Variants in DYSF observed in about 807,000 individuals in gnomAD.
The protein encoded by DYSF is dysferlin.
Under a neutral mutation model 274.9 loss-of-function variants are expected in DYSF, and 212 were observed. That is an observed-to-expected ratio of 0.77 (90% confidence interval 0.69 to 0.86). The LOEUF (loss-of-function observed/expected upper bound fraction) is 0.86, where lower values mean the gene tolerates loss of function less well. Ranked by LOEUF, DYSF falls within the 40% of genes least tolerant of loss-of-function variation. The pLI, the probability that DYSF is intolerant of heterozygous loss-of-function variation, is 0.00. For missense variants in DYSF, 2,666 were observed against 2,783.2 expected (o/e 0.96, Z 0.95); for synonymous variants, 1,091 against 1,078.7 (o/e 1.01, Z -0.22).
chr2:71,516,008 G>A (rs1481567286), intron 8 of DYSF, among the ~76,000 whole-genome samples, 172 bp from the exon 9 acceptor site: 1 of 152,164 alleles, frequency 6.6e-6, no homozygotes, highest in Non-Finnish European at 1.5e-5. Context: ...CGTCTGTGAG[G>A]CCAGGGGCAG....
chr2:71,620,509 C>A (rs1213260043), intron 40 of DYSF, 38 bp from the exon 41 acceptor site: 2 of 1,551,296 alleles, frequency 1.3e-6, no homozygotes, highest in Non-Finnish European at 1.7e-6. Context: ...AAAGTGGGTT[C>A]TCTAATCCTG....
intron 55 of DYSF, 143 bp downstream of exon 55, chr2:71,682,820 G>A: frequency 8.1e-7 from 1 of 1,236,496 alleles, no homozygotes; most frequent in Non-Finnish European, 1.1e-6. Flanking sequence ...AGGATACAGA[G>A]CCCAGCTCTG....
chr2:71,680,506 T>G (rs1187586307), intron 53 of DYSF, among the ~76,000 whole-genome samples: 1 of 152,246 alleles, frequency 6.6e-6, no homozygotes, highest in Non-Finnish European at 1.5e-5. Flanking sequence ...AAGTCTAGGT[T>G]CTGGGATATT....
At chr2:71,505,064 C>T (rs1413019050) in intron 4 of DYSF, among the ~76,000 whole-genome samples, 1 of 152,238 alleles carries the variant, frequency 6.6e-6, no homozygotes, top group Admixed American at 6.5e-5. Flanking sequence ...GCCCCACTAG[C>T]TGAGCACAGG....
At chr2:71,526,406 G>C in intron 13 of DYSF, 60 bp downstream of exon 13, 1 of 1,537,016 alleles carries the variant, frequency 6.5e-7, no homozygotes, top group Non-Finnish European at 8.9e-7. Flanking sequence ...CAGGGCTGGT[G>C]GGGGTGGGCG....
chr2:71,564,181 A>T lies in DYSF; in HGVS notation c.2533A>T (p.Asn845Tyr). The change falls in exon 24 of 56, where the codon AAT becomes TAT. Residue 845 changes from asparagine to tyrosine, a missense_variant. Asn to Tyr is a moderately radical substitution (Grantham distance 143). This residue lies in a region of DYSF where 412 missense variants were observed against 504.0 expected (regional missense o/e 0.82). Transcript: ENST00000410020. ...GCGGGGTGCCAACTACTGTGGCAAG[A>T]ATTGTGGGAAGCTACAGACAATCTT... is the stretch of plus-strand genomic sequence containing the variant. ...SRRGANYCGK[N>Y]CGKLQTIFLK... 1 of 1,614,238 alleles carries T rather than the reference A, an allele frequency of 6.2e-7. No individual in the cohort carries two copies. Among genetic ancestry groups the T allele is most frequent in the Non-Finnish European group, 8.5e-7 (1 of 1,180,044 alleles).
intron 30 of DYSF, among the ~76,000 whole-genome samples, chr2:71,580,572 G>A (rs999672206): frequency 1.3e-5 from 2 of 152,184 alleles, no homozygotes; most frequent in African/African-American, 2.4e-5. Context: ...TGGGAGGTGC[G>A]AGGGGTTTAC....
chr2:71,646,648 A>G (rs1000516206), intron 42 of DYSF, among the ~76,000 whole-genome samples: 1 of 152,220 alleles, frequency 6.6e-6, no homozygotes, highest in Non-Finnish European at 1.5e-5. Flanking sequence ...CTAAATAGAA[A>G]AATAAAGGAA....
chr2:71,592,154 G>A (rs535199273), intron 32 of DYSF, among the ~76,000 whole-genome samples: 1 of 152,220 alleles, frequency 6.6e-6, no homozygotes, highest in African/African-American at 2.4e-5. Flanking sequence ...GCCAGGGGGG[G>A]CCCAGGCAGA....
rs1159294834 is a variant in DYSF, at chr2:71,582,106, CAAAAAA to C, written c.3403-7465_3403-7460del. On this transcript the variant is annotated intron_variant, in intron 30 of 55. Transcript: ENST00000410020. ...TGGGAGACAGAAGGAGACTCCGTCT[CAAAAAA>C]AAAAAAAAAAAAAAAAAAAAAGGCT... 1.7e-3 allele frequency among the ~76,000 whole-genome samples: 61 copies of C among 35,114 alleles called. 1 individual carries two copies. In the Admixed American group the frequency reaches 0.019, roughly 11 times the overall value. The allele number at this position is 35,114 out of a possible 152,430, so 23.0% of individuals were successfully genotyped here.
intron 29 of DYSF, among the ~76,000 whole-genome samples, chr2:71,573,420 G>T (rs2092590930): frequency 6.6e-6 from 1 of 152,128 alleles, no homozygotes; most frequent in Non-Finnish European, 1.5e-5. Context: ...GACCTGAGGT[G>T]GTGTCTGACA....
rs1382327422 is a variant in DYSF, at chr2:71,588,375, CA to C, written c.3403-1216del. ...CAGGTGTCTAGGGAGGCTTCTTGGA[CA>C]AGGGGCTCTGGGACTGAGTCTTGAG... is the stretch of plus-strand genomic sequence containing the variant. On this transcript the variant is annotated intron_variant, in intron 30 of 55. Coordinates refer to ENST00000410020, the MANE Select transcript of DYSF (RefSeq NM_001130987.2). 5.9e-5 allele frequency among the ~76,000 whole-genome samples: 9 copies of C among 152,192 alleles called. No individual in the cohort carries two copies. In the East Asian group the frequency reaches 1.7e-3, roughly 29 times the overall value.
rs559940171 is a variant in DYSF, at chr2:71,644,008, T to C, written c.4571T>C (p.Ile1524Thr). The change falls in exon 42 of 56, where the codon ATA becomes ACA. Residue 1524 changes from isoleucine (I) to threonine (T), a missense_variant. This residue lies in a region of DYSF where 1,460 missense variants were observed against 1,502.1 expected (regional missense o/e 0.97). Coordinates refer to ENST00000410020, the MANE Select transcript of DYSF (RefSeq NM_001130987.2). ...TGGTGGAGCAAATTCTTTGCCTCCA[T>C]AGGGGAGAGGGAAAAGTGCGGCTCC... ...IDWWSKFFAS[I>T]GEREKCGSYL... 1.5e-5 allele frequency: 24 copies of C among 1,612,650 alleles called. No individual in the cohort carries two copies. The highest frequency in any genetic ancestry group is 1.3e-4 in the South Asian group (12 of 90,526).
In DYSF at chr2:71,564,072, G is replaced by GC. The variant is rs752479889; in HGVS notation, c.2426dup (p.Asp810GlyfsTer73). 6.2e-7 allele frequency: 1 copy of GC among 1,614,188 alleles called. No individual in the cohort carries two copies. Among genetic ancestry groups the GC allele is most frequent in the Non-Finnish European group, 8.5e-7 (1 of 1,180,018 alleles). On this transcript the variant is annotated frameshift_variant, in exon 24 of 56. Coordinates refer to ENST00000410020, the MANE Select transcript of DYSF (RefSeq NM_001130987.2). LOFTEE classifies it high-confidence loss of function. ...CCTCTGTTCAGCCCCAGAACAGCCT[G>GC]CCGGACATCGTCATCTGGATGCTGC... is the stretch of plus-strand genomic sequence containing the variant.
intron 23 of DYSF, among the ~76,000 whole-genome samples, chr2:71,562,532 C>T (rs1023920919): frequency 6.6e-6 from 1 of 152,208 alleles, no homozygotes; most frequent in African/African-American, 2.4e-5. Flanking sequence ...CAGATGCACC[C>T]ACCCGGTTCT....
chr2:71,618,282 A>G (rs1574393093), intron 40 of DYSF, among the ~76,000 whole-genome samples: 3 of 25,678 alleles, frequency 1.2e-4, no homozygotes, highest in East Asian at 1.1e-3. Context: ...TGTGTGTGGT[A>G]GAGGTGTGTG....
At chr2:71,567,188 T>G (rs1290973848) in intron 24 of DYSF, among the ~76,000 whole-genome samples, 1 of 152,250 alleles carries the variant, frequency 6.6e-6, no homozygotes, top group East Asian at 1.9e-4. Context: ...TGGGTTGTTG[T>G]GGTTATTCCA....
intron 41 of DYSF, among the ~76,000 whole-genome samples, chr2:71,640,922 C>G (rs2094475836): frequency 6.6e-6 from 1 of 152,090 alleles, no homozygotes; most frequent in African/African-American, 2.4e-5. Flanking sequence ...GGAAGTAGAT[C>G]ATTGAGATCT....
In DYSF at chr2:71,528,332, C is replaced by T. The variant is rs148697028; in HGVS notation, c.1311C>T (p.Ile437=). The T allele has an allele frequency of 3.4e-4, 548 of 1,614,164 alleles. 3 individuals are homozygous for T. The Middle Eastern group carries it at 8.2e-3, about 24-fold the overall frequency. Residue 437 remains isoleucine (I), a synonymous_variant, in exon 14 of 56, where the codon ATC becomes ATT. Transcript: ENST00000410020. ...DDAVMDNVKQ[I]FGFESNKKNL... ...CCGTGATGGACAACGTGAAACAGATCTTTGGCTTCGAGAGTAACAAGAAGA... is the reference window on the plus strand; with the variant it reads ...CCGTGATGGACAACGTGAAACAGATTTTTGGCTTCGAGAGTAACAAGAAGA...
Sources: allele counts gnomAD v4.1 joint callset (sites outside exome capture counted in the v4.1 genomes callset), GRCh38; gene constraint gnomAD v4.1.1; regional missense constraint gnomAD v4.1.1; transcripts MANE v1.5; gene names NCBI Gene and HGNC (gene_info 2026-07-23, HGNC 2026-07-21).